LRRC4C: variants seen among roughly 807,000 people sequenced by gnomAD.
LRRC4C encodes leucine-rich repeat-containing protein 4C.
A neutral mutation model predicts 33.6 loss-of-function variants in LRRC4C; 5 were observed. The ratio of observed to expected loss-of-function variants is 0.15; its 90% confidence interval spans 0.08 to 0.31. LRRC4C has a LOEUF of 0.31. Among genes scored for constraint, LRRC4C ranks in the 10% least tolerant of loss-of-function variants. The pLI, the probability that LRRC4C is intolerant of heterozygous loss-of-function variation, is 1.00. For missense variants in LRRC4C, 560 were observed against 796.7 expected (o/e 0.70, Z 3.58); for synonymous variants, 329 against 302.0 (o/e 1.09, Z -0.93).
At chr11:41,185,219 T>A (rs111765622) in intron 1 of LRRC4C, among the ~76,000 whole-genome samples, 6 of 152,320 alleles carry the variant, frequency 3.9e-5, no homozygotes, top group African/African-American at 1.4e-4. Context: ...TCAAAGATTA[T>A]TCTAAGAATT....
intron 4 of LRRC4C, chr11:40,293,654 G>A (rs1331022009): frequency 6.6e-6 from 1 of 152,124 alleles, no homozygotes; most frequent in East Asian, 1.9e-4. Flanking sequence ...GGAAGAAAAC[G>A]GGTAAAAAAA....
intron 5 of LRRC4C, among the ~76,000 whole-genome samples, chr11:40,197,793 C>A (rs1036868894): frequency 2.6e-5 from 4 of 152,258 alleles, no homozygotes; most frequent in South Asian, 2.1e-4. Flanking sequence ...GTCAGGGGAA[C>A]AAAAGCAATT....
At chr11:41,007,408 C>CA (rs977671347) in intron 1 of LRRC4C, among the ~76,000 whole-genome samples, 3 of 151,650 alleles carry the variant, frequency 2.0e-5, no homozygotes, top group African/African-American at 7.3e-5. Context: ...AAGGATTATA[C>CA]AATTTGGCAA....
intron 1 of LRRC4C, among the ~76,000 whole-genome samples, chr11:41,269,754 A>C (rs1233451456): frequency 2.0e-5 from 3 of 152,130 alleles, no homozygotes; most frequent in African/African-American, 7.2e-5. Flanking sequence ...TTTGGCTTAC[A>C]TGCATACAGG....
chr11:41,313,429 C>T (rs1003846703), intron 1 of LRRC4C, among the ~76,000 whole-genome samples: 8 of 152,158 alleles, frequency 5.3e-5, no homozygotes, highest in Admixed American at 2.0e-4. Context: ...CACCATATTT[C>T]GTTTACCCTT....
intron 6 of LRRC4C, among the ~76,000 whole-genome samples, chr11:40,131,016 C>A (rs1282004216): frequency 8.5e-5 from 13 of 152,132 alleles, no homozygotes. Flanking sequence ...ATAACACTTA[C>A]CAAATCCACG....
chr11:41,448,913 T>C lies in LRRC4C; in HGVS notation c.-496+10518A>G, dbSNP rs186400671. On this transcript the variant is annotated intron_variant, in intron 1 of 6. Transcript: ENST00000528697. Reference sequence around the variant, plus strand: ...AGTGCTGAATACAAGCTAGTTGTTATCATGATCTTGATTTGACAGATAAGA... The same window carrying C: ...AGTGCTGAATACAAGCTAGTTGTTACCATGATCTTGATTTGACAGATAAGA... Among the ~76,000 whole-genome samples the C allele has an allele frequency of 7.4e-4, 113 of 152,362 alleles. 1 individual carries two copies. The highest frequency in any genetic ancestry group is 1.4e-3 in the Admixed American group (21 of 15,296).
intron 2 of LRRC4C, among the ~76,000 whole-genome samples, chr11:40,719,016 G>T (rs888442153): frequency 6.6e-6 from 1 of 152,168 alleles, no homozygotes; most frequent in South Asian, 2.1e-4. Flanking sequence ...TTTCAGAAAT[G>T]CATTACTTCT....
At chr11:40,264,129 A>G (rs1393688691) in intron 4 of LRRC4C, among the ~76,000 whole-genome samples, 1 of 152,224 alleles carries the variant, frequency 6.6e-6, no homozygotes, top group Non-Finnish European at 1.5e-5. Flanking sequence ...GGCACATAGT[A>G]AGTGCTCACT....
At chr11:40,592,326 A>G (rs914045513) in intron 3 of LRRC4C, among the ~76,000 whole-genome samples, 1 of 152,186 alleles carries the variant, frequency 6.6e-6, no homozygotes, top group African/African-American at 2.4e-5. Flanking sequence ...TGTGAGCATC[A>G]TAATCACTTG....
At chr11:40,925,123 T>TTCTCTC (rs56945447) in intron 2 of LRRC4C, among the ~76,000 whole-genome samples, 45,880 of 149,334 alleles carry the variant, frequency 0.31, 7,568 homozygotes, top group Non-Finnish European at 0.38. Context: ...CCCCAAATAT[T>TTCTCTC]TCTCTCTCTC....
At chr11:40,571,758 A>G (rs1460534522) in intron 3 of LRRC4C, among the ~76,000 whole-genome samples, 1 of 152,140 alleles carries the variant, frequency 6.6e-6, no homozygotes, top group African/African-American at 2.4e-5. Context: ...GAACATCTCA[A>G]TTTGAAGCCT....
At chr11:40,969,575 C>T (rs971904398) in intron 1 of LRRC4C, among the ~76,000 whole-genome samples, 1 of 152,044 alleles carries the variant, frequency 6.6e-6, no homozygotes, top group Admixed American at 6.6e-5. Flanking sequence ...CACTCACCAC[C>T]CTGATCAGTC....
At chr11:40,364,243 C>CA (rs1023184800) in intron 3 of LRRC4C, among the ~76,000 whole-genome samples, 1 of 151,670 alleles carries the variant, frequency 6.6e-6, no homozygotes, top group Non-Finnish European at 1.5e-5. Flanking sequence ...CTAAAACAAA[C>CA]AAAAAAATCA....
intron 1 of LRRC4C, among the ~76,000 whole-genome samples, chr11:41,389,639 C>CAAACAAAA (rs1555163690): frequency 1.2e-5 from 1 of 80,972 alleles, no homozygotes; most frequent in African/African-American, 4.8e-5. Flanking sequence ...CAGTGAGCAG[C>CAAACAAAA]AAAAAAAAAA....
chr11:41,031,027 G>A (rs535216560), intron 1 of LRRC4C, among the ~76,000 whole-genome samples: 5 of 151,796 alleles, frequency 3.3e-5, no homozygotes. Context: ...AAGACACATT[G>A]GTATAAATTA....
intron 1 of LRRC4C, among the ~76,000 whole-genome samples, chr11:41,072,367 A>G (rs896491108): frequency 1.2e-4 from 15 of 128,042 alleles, no homozygotes; most frequent in African/African-American, 4.1e-4. Flanking sequence ...GTATTTTAAA[A>G]TTAAAAAAAA....
intron 1 of LRRC4C, among the ~76,000 whole-genome samples, chr11:41,328,363 C>A (rs1254108844): frequency 6.6e-6 from 1 of 152,076 alleles, no homozygotes; most frequent in Admixed American, 6.5e-5. Context: ...TTAGCAGAAT[C>A]TTTGTTTTGA....
At chr11:41,162,777 T>C (rs1418342334) in intron 1 of LRRC4C, among the ~76,000 whole-genome samples, 1 of 152,216 alleles carries the variant, frequency 6.6e-6, no homozygotes, top group African/African-American at 2.4e-5. Flanking sequence ...AGCCAGTGAA[T>C]GAATAGTGGT....
Sources: gnomAD v4.1 joint callset for allele counts (sites outside exome capture counted in the v4.1 genomes callset) on GRCh38, gnomAD v4.1.1 for gene constraint, MANE v1.5 for transcripts, NCBI Gene and HGNC (gene_info 2026-07-23, HGNC 2026-07-21) for gene names.